The following FGF12 variants were observed in gnomAD, a reference collection of about 807,000 sequenced individuals.
FGF12 encodes fibroblast growth factor 12B.
Under a neutral mutation model 23.6 loss-of-function variants are expected in FGF12, and 14 were observed. The observed-to-expected ratio is 0.59, with a 90% confidence interval of 0.39 to 0.93. The LOEUF is 0.93. Ranked by LOEUF, FGF12 falls within the 40% of genes least tolerant of loss-of-function variation. The pLI is 0.00. For missense variants in FGF12, 175 were observed against 217.8 expected (o/e 0.80, Z 1.24); for synonymous variants, 62 against 77.3 (o/e 0.80, Z 1.04).
At chr3:192,679,695 T>A (rs1484293641) in intron 2 of FGF12, among the ~76,000 whole-genome samples, 1 of 151,860 alleles carries the variant, frequency 6.6e-6, no homozygotes, top group African/African-American at 2.4e-5. Context: ...AGGCCCCAGA[T>A]CCCGTCCACC....
intron 2 of FGF12, among the ~76,000 whole-genome samples, chr3:192,376,124 T>C (rs1433898675): frequency 6.6e-6 from 1 of 151,886 alleles, no homozygotes; most frequent in African/African-American, 2.4e-5. Flanking sequence ...TTCCCAGGAC[T>C]CCATTGAAAT....
In FGF12 at chr3:192,361,065, G is replaced by A. The variant is rs570641175; in HGVS notation, c.14-527C>T. 4.0e-5 allele frequency among the ~76,000 whole-genome samples: 6 copies of A among 150,006 alleles called. No homozygotes were observed. In the East Asian group the frequency reaches 1.2e-3, roughly 30 times the overall value. On this transcript the variant is annotated intron_variant, in intron 2 of 5. Coordinates refer to ENST00000445105, the MANE Select transcript of FGF12 (RefSeq NM_004113.6). ...CACAGGCAACAGCAAAAACTTCCAC[G>A]GCCATGAGATGTCACTGGCAAATAT...
At chr3:192,432,368 CA>C (rs1385824838) in intron 2 of FGF12, among the ~76,000 whole-genome samples, 1 of 151,936 alleles carries the variant, frequency 6.6e-6, no homozygotes, top group Non-Finnish European at 1.5e-5. Flanking sequence ...AGAGACATTC[CA>C]AAAACACAAC....
intron 3 of FGF12, among the ~76,000 whole-genome samples, chr3:192,345,929 C>A (rs1052467983): frequency 6.6e-6 from 1 of 151,776 alleles, no homozygotes; most frequent in Non-Finnish European, 1.5e-5. Flanking sequence ...AAGCTTTGCA[C>A]GTTGTTATCA....
chr3:192,413,385 T>TG (rs1051783237), intron 2 of FGF12, among the ~76,000 whole-genome samples: 16 of 152,190 alleles, frequency 1.1e-4, no homozygotes, highest in African/African-American at 3.9e-4. Flanking sequence ...TGTATGCTGT[T>TG]GGACACGTTA....
At chr3:192,347,530 G>A (rs1458139446) in intron 3 of FGF12, among the ~76,000 whole-genome samples, 1 of 152,114 alleles carries the variant, frequency 6.6e-6, no homozygotes, top group African/African-American at 2.4e-5. Flanking sequence ...TTACGTCTCA[G>A]TAGGGCTTTT....
chr3:192,205,574 T>G (rs1419214615), intron 4 of FGF12, among the ~76,000 whole-genome samples: 1 of 152,196 alleles, frequency 6.6e-6, no homozygotes, highest in Non-Finnish European at 1.5e-5. Context: ...GACTAGCATC[T>G]TATCCTTAGA....
At chr3:192,605,925 G>A (rs1217638958) in intron 2 of FGF12, among the ~76,000 whole-genome samples, 1 of 152,200 alleles carries the variant, frequency 6.6e-6, no homozygotes, top group Non-Finnish European at 1.5e-5. Flanking sequence ...TGGTGGGAAT[G>A]TAAATTAGTA....
At chr3:192,392,600 GAGAGA>G (rs1720350438) in intron 2 of FGF12, among the ~76,000 whole-genome samples, 1 of 85,594 alleles carries the variant, frequency 1.2e-5, no homozygotes, top group Non-Finnish European at 2.3e-5. Flanking sequence ...CCGAGAGAGA[GAGAGA>G]GAGAGAGAGA....
intron 2 of FGF12, among the ~76,000 whole-genome samples, chr3:192,378,051 T>TTTCTTTCTTTCTTTC (rs1719624115): frequency 9.9e-6 from 1 of 101,394 alleles, no homozygotes; most frequent in Non-Finnish European, 1.8e-5. Context: ...TCTTTCTTTC[T>TTTCTTTCTTTCTTTC]TTCTTTCTTT....
intron 2 of FGF12, among the ~76,000 whole-genome samples, chr3:192,643,312 G>T (rs904571208): frequency 6.6e-6 from 1 of 152,160 alleles, no homozygotes; most frequent in Non-Finnish European, 1.5e-5. Context: ...AAAAAATTAT[G>T]ATTGGATGAA....
chr3:192,687,339 G>T (rs1323016618), intron 2 of FGF12, among the ~76,000 whole-genome samples: 1 of 151,900 alleles, frequency 6.6e-6, no homozygotes, highest in East Asian at 1.9e-4. Context: ...AGTTCTTGGT[G>T]GCAGTGAAGA....
intron 2 of FGF12, among the ~76,000 whole-genome samples, chr3:192,631,208 G>T (rs924624030): frequency 6.6e-6 from 1 of 152,012 alleles, no homozygotes; most frequent in South Asian, 2.1e-4. Flanking sequence ...GCCCGAATTT[G>T]CTTTTCACTT....
intron 4 of FGF12, among the ~76,000 whole-genome samples, chr3:192,292,331 A>G (rs1423846322): frequency 6.6e-6 from 1 of 152,058 alleles, no homozygotes; most frequent in Non-Finnish European, 1.5e-5. Context: ...AATATTATAC[A>G]GTACAAACAT....
chr3:192,413,022 T>C (rs1410147031), intron 2 of FGF12, among the ~76,000 whole-genome samples: 1 of 152,174 alleles, frequency 6.6e-6, no homozygotes, highest in African/African-American at 2.4e-5. Flanking sequence ...CAAATGCACA[T>C]CAAAATGATA....
chr3:192,229,933 A>G (rs1347886331), intron 4 of FGF12, among the ~76,000 whole-genome samples: 1 of 150,910 alleles, frequency 6.6e-6, no homozygotes, highest in Non-Finnish European at 1.5e-5. Flanking sequence ...GCTTTACATA[A>G]TTGTTGTAAA....
chr3:192,648,472 G>C (rs1716093453), intron 2 of FGF12, among the ~76,000 whole-genome samples: 1 of 123,384 alleles, frequency 8.1e-6, no homozygotes, highest in Non-Finnish European at 1.8e-5. Flanking sequence ...CAGGAACAAA[G>C]ACTATTTAGA....
Position 192,360,465 on chromosome 3 carries a change from A to T in FGF12, c.87T>A (p.Gly29=), listed in dbSNP as rs111916094. ...QGYFLQMHPD[G]TIDGTKDENS... ...TTTCGTCCTTGGTCCCATCAATGGTACCATCTGGGTGCATCTGCAGGAAGT... is the reference window on the plus strand; with the variant it reads ...TTTCGTCCTTGGTCCCATCAATGGTTCCATCTGGGTGCATCTGCAGGAAGT... The change falls in exon 3 of 6, where the codon GGT becomes GGA. Residue 29 remains glycine (G), a synonymous_variant. Coordinates refer to ENST00000445105, the MANE Select transcript of FGF12 (RefSeq NM_004113.6). This position sits in a 1 kb window ranked among gnomAD's most constrained non-coding sequence, Gnocchi z 4.3. 1 of 1,613,672 alleles carries T rather than the reference A, an allele frequency of 6.2e-7. No homozygotes were observed. Among genetic ancestry groups the T allele is most frequent in the Non-Finnish European group, 8.5e-7 (1 of 1,179,722 alleles).
chr3:192,716,664 TAAC>T (rs1006961019), intron 2 of FGF12, among the ~76,000 whole-genome samples: 2 of 152,198 alleles, frequency 1.3e-5, no homozygotes, highest in Non-Finnish European at 2.9e-5. Flanking sequence ...GGTCAAATGC[TAAC>T]AACAAGAATA....
Sources: gnomAD v4.1 joint callset for allele counts (sites outside exome capture counted in the v4.1 genomes callset) on GRCh38, gnomAD v4.1.1 for gene constraint, Gnocchi (gnomAD v3.1) non-coding constraint, MANE v1.5 for transcripts, NCBI Gene and HGNC (gene_info 2026-07-23, HGNC 2026-07-21) for gene names.